CASZ1: variants seen among roughly 807,000 people sequenced by gnomAD.
CASZ1 encodes zinc finger protein castor homolog 1.
A neutral mutation model predicts 135.2 loss-of-function variants in CASZ1; 28 were observed. That is an observed-to-expected ratio of 0.21 (90% CI 0.15 to 0.28). The LOEUF is 0.28. Among genes scored for constraint, CASZ1 ranks in the 10% least tolerant of loss-of-function variants. The pLI is 1.00. For missense variants in CASZ1, 2,161 were observed against 2,453.3 expected (o/e 0.88, Z 2.52); for synonymous variants, 1,068 against 1,073.4 (o/e 0.99, Z 0.10).
intron 2 of CASZ1, among the ~76,000 whole-genome samples, chr1:10,746,605 G>A (rs1640045986): frequency 3.3e-5 from 5 of 152,196 alleles, no homozygotes. Context: ...ACTGCTGGAG[G>A]CAGGTGCAGA....
At chr1:10,687,381 T>G (rs1215996579) in intron 4 of CASZ1, among the ~76,000 whole-genome samples, 1 of 152,090 alleles carries the variant, frequency 6.6e-6, no homozygotes, top group Admixed American at 6.5e-5. Context: ...TGTCAGCAGG[T>G]GAGTGATTAC....
At chr1:10,704,188 T>TCA (rs1009596085) in intron 3 of CASZ1, 3 of 152,282 alleles carry the variant, frequency 2.0e-5, no homozygotes, top group African/African-American at 7.2e-5. Context: ...ACTCAGATCC[T>TCA]CATGGACCAT....
intron 2 of CASZ1, among the ~76,000 whole-genome samples, chr1:10,760,377 T>C (rs764320010): frequency 2.0e-5 from 3 of 152,236 alleles, no homozygotes; most frequent in Non-Finnish European, 2.9e-5. Context: ...TGTCATACCA[T>C]AGAAACACTG....
intron 13 of CASZ1, chr1:10,649,661 C>A: frequency 1.8e-6 from 1 of 546,836 alleles, no homozygotes; most frequent in Non-Finnish European, 3.2e-6. Context: ...CTCCTCAGGG[C>A]TCCTCCACAT....
At chr1:10,744,898 A>T (rs968282727) in intron 2 of CASZ1, among the ~76,000 whole-genome samples, 1 of 152,142 alleles carries the variant, frequency 6.6e-6, no homozygotes, top group Non-Finnish European at 1.5e-5. Context: ...ACGCAGACGC[A>T]TGTCTGCCAT....
chr1:10,694,309 GTCGAAAGCCGAA>G lies in CASZ1; in HGVS notation c.-23-409_-23-398del. ...GCCCGGTACTCACCATAGTCGGAGA[GTCGAAAGCCGAA>G]TTCACTTAAATAATCAACTTTCATA... On this transcript the variant is annotated intron_variant, in intron 3 of 20. Transcript: ENST00000377022. This position sits in a 1 kb window ranked among gnomAD's most constrained non-coding sequence, Gnocchi z 6.6. 8.6e-7 allele frequency: 1 copy of G among 1,157,124 alleles called. No homozygotes were observed. Among genetic ancestry groups the G allele is most frequent in the Non-Finnish European group, 1.1e-6 (1 of 914,788 alleles). The allele number at this position is 1,157,124 out of a possible 1,614,324, so 71.7% of individuals were successfully genotyped here. A position where few individuals can be genotyped will look rare whatever the true frequency, so the allele number is the denominator to read the frequency against.
At chr1:10,703,576 A>G (rs1396836034) in intron 3 of CASZ1, among the ~76,000 whole-genome samples, 1 of 152,050 alleles carries the variant, frequency 6.6e-6, no homozygotes, top group African/African-American at 2.4e-5. Flanking sequence ...CCTGACACAG[A>G]AATAGAAGAC....
chr1:10,681,687 T>C (rs991191417), intron 4 of CASZ1, among the ~76,000 whole-genome samples: 1 of 152,186 alleles, frequency 6.6e-6, no homozygotes, highest in Non-Finnish European at 1.5e-5. Context: ...CAACAAATAT[T>C]GACTGAGTGA....
chr1:10,782,902 G>A (rs559221430), intron 1 of CASZ1, among the ~76,000 whole-genome samples: 107 of 152,294 alleles, frequency 7.0e-4, no homozygotes, highest in African/African-American at 2.5e-3. Flanking sequence ...GAGAGTTGAG[G>A]GAGGGATGAG....
intron 2 of CASZ1, among the ~76,000 whole-genome samples, chr1:10,742,758 C>T (rs1014844273): frequency 1.1e-4 from 16 of 151,918 alleles, no homozygotes; most frequent in African/African-American, 1.7e-4. Context: ...CTGAGGCAGG[C>T]GGATCACTTG....
Position 10,735,063 on chromosome 1 carries a change from T to C in CASZ1, c.-77+25638A>G, listed in dbSNP as rs1639771746. ...AGGACGCAAGGGAGCTTCTACCCCA[T>C]TGCAGTTGCACAAAAGAAATTGAAC... On this transcript the variant is annotated intron_variant, in intron 2 of 20. Coordinates refer to ENST00000377022, the MANE Select transcript of CASZ1 (RefSeq NM_001079843.3). This position sits in a 1 kb window ranked among gnomAD's most constrained non-coding sequence, Gnocchi z 5.1. 6.6e-6 allele frequency among the ~76,000 whole-genome samples: 1 copy of C among 152,130 alleles called. No individual in the cohort carries two copies. The highest frequency in any genetic ancestry group is 2.4e-5 in the African/African-American group (1 of 41,442).
intron 1 of CASZ1, among the ~76,000 whole-genome samples, chr1:10,787,903 C>T (rs1182045128): frequency 1.3e-5 from 2 of 152,162 alleles, no homozygotes; most frequent in African/African-American, 4.8e-5. Context: ...TTAAAAGCTC[C>T]CCAGAAGTTG....
In CASZ1 at chr1:10,789,063, C is replaced by G. The variant is rs545800383; in HGVS notation, c.-234+7501G>C. The stretch of plus-strand genomic sequence containing the variant: ...CAAGCCTCCTCTAACCCTACCCCCA[C>G]CTGGGCCTTCTCCAGGGACTTGAGG... On this transcript the variant is annotated intron_variant, in intron 1 of 20. Transcript: ENST00000377022. Among the ~76,000 whole-genome samples the G allele has an allele frequency of 1.4e-4, 21 of 152,278 alleles. No individual in the cohort carries two copies. The South Asian group carries it at 3.9e-3, about 29-fold the overall frequency.
intron 4 of CASZ1, among the ~76,000 whole-genome samples, chr1:10,684,899 C>T (rs923312051): frequency 4.6e-5 from 7 of 152,202 alleles, no homozygotes; most frequent in African/African-American, 1.7e-4. Flanking sequence ...GGACGCTGAG[C>T]ACACATGGAA....
At chr1:10,761,821 G>C (rs906451983) in intron 1 of CASZ1, among the ~76,000 whole-genome samples, 2 of 152,220 alleles carry the variant, frequency 1.3e-5, no homozygotes, top group Non-Finnish European at 2.9e-5. Flanking sequence ...GTGGATGTGA[G>C]AATGGGGTGC....
At position 10,647,197 on chromosome 1, in the gene CASZ1, T is replaced by G. The variant is rs1642388351; in HGVS notation, c.3497+604A>C. 1 of 985,172 alleles carries G rather than the reference T, an allele frequency of 1.0e-6. No homozygotes were observed. Among genetic ancestry groups the G allele is most frequent in the Admixed American group, 5.8e-5 (1 of 17,192 alleles). 61.0% of individuals were successfully genotyped at this position (985,172 alleles called of 1,614,324 possible). A position where few individuals can be genotyped will look rare whatever the true frequency, so the allele number is the denominator to read the frequency against. ...CAGTTGCTCAGAGAGGGAGGACAGCTGCCACTCAGGCGATATAAATAATCC... is the reference window on the plus strand; with the variant it reads ...CAGTTGCTCAGAGAGGGAGGACAGCGGCCACTCAGGCGATATAAATAATCC... On this transcript the variant is annotated intron_variant, in intron 16 of 20. Coordinates refer to ENST00000377022, the MANE Select transcript of CASZ1 (RefSeq NM_001079843.3). This position sits in a 1 kb window ranked among gnomAD's most constrained non-coding sequence, Gnocchi z 4.9.
rs1314839017 is a variant in CASZ1, at chr1:10,638,995, G to A, written c.5227C>T (p.Leu1743=). The part of the protein sequence containing the change: ...AGARTPALAA[L]AALGAPGPAP... ...GGGCCGGGGGCGCCCAGGGCCGCCAGCGCCGCCAAGGCCGGGGTCCGCGCG... is the reference window on the plus strand; with the variant it reads ...GGGCCGGGGGCGCCCAGGGCCGCCAACGCCGCCAAGGCCGGGGTCCGCGCG... The change falls in exon 21 of 21, where the codon CTG becomes TTG. Residue 1743 remains leucine, a synonymous_variant. Transcript: ENST00000377022. This position sits in a 1 kb window ranked among gnomAD's most constrained non-coding sequence, Gnocchi z 5.9. The A allele has an allele frequency of 1.0e-6, 1 of 983,582 alleles. No individual in the cohort carries two copies. The highest frequency in any genetic ancestry group is 4.5e-5 in the South Asian group (1 of 22,112). The allele number at this position is 983,582 out of a possible 1,614,324, so 60.9% of individuals were successfully genotyped here.
chr1:10,645,616 G>A (rs1293037506), intron 17 of CASZ1, among the ~76,000 whole-genome samples: 1 of 152,206 alleles, frequency 6.6e-6, no homozygotes, highest in African/African-American at 2.4e-5. Flanking sequence ...CATACCTAGA[G>A]CAGACATCGC....
At chr1:10,749,286 C>T (rs1164666785) in intron 2 of CASZ1, among the ~76,000 whole-genome samples, 2 of 151,618 alleles carry the variant, frequency 1.3e-5, no homozygotes, top group African/African-American at 2.4e-5. Context: ...CTCACTCTGT[C>T]GCCCAGGCTG....
Sources: gnomAD v4.1 joint callset for allele counts (sites outside exome capture counted in the v4.1 genomes callset) on GRCh38, gnomAD v4.1.1 for gene constraint, Gnocchi (gnomAD v3.1) non-coding constraint, MANE v1.5 for transcripts, NCBI Gene and HGNC (gene_info 2026-07-23, HGNC 2026-07-21) for gene names.